Variants in UNC13B observed in about 807,000 individuals in gnomAD.
UNC13B encodes the protein protein unc-13 homolog B.
A neutral mutation model predicts 211.0 loss-of-function variants in UNC13B; 144 were observed. The ratio of observed to expected loss-of-function variants is 0.68; its 90% CI spans 0.60 to 0.78. The LOEUF (loss-of-function observed/expected upper bound fraction) is 0.78, where lower values mean the gene tolerates loss of function less well. UNC13B is among the 30% of genes least tolerant of loss of function. The pLI, the probability that UNC13B is intolerant of heterozygous loss-of-function variation, is 0.00. For synonymous variants in UNC13B, 709 were observed against 725.8 expected (o/e 0.98, Z 0.37); for missense variants, 1,777 against 2,002.0 (o/e 0.89, Z 2.14).
chr9:35,319,807 T>C (rs1026976311), intron 11 of UNC13B, among the ~76,000 whole-genome samples: 2 of 152,010 alleles, frequency 1.3e-5, no homozygotes, highest in African/African-American at 4.8e-5. Context: ...CACAGGCATG[T>C]GCCACTTATG....
Position 35,170,553 on chromosome 9 carries a change from C to T in UNC13B, c.22+8248C>T, listed in dbSNP as rs142263050. On this transcript the variant is annotated intron_variant, in intron 1 of 39. Transcript: ENST00000635942. Reference sequence around the variant, plus strand: ...GTGCGAACATGGCTCTCTGCAGCCTCGACCTCCTGGGATCAAGTGATATGC... The same window carrying T: ...GTGCGAACATGGCTCTCTGCAGCCTTGACCTCCTGGGATCAAGTGATATGC... 2.9e-3 allele frequency among the ~76,000 whole-genome samples: 445 copies of T among 151,960 alleles called. 8 individuals are homozygous for T. Among genetic ancestry groups the T allele is most frequent in the Admixed American group, 0.021 (325 of 15,230 alleles).
At chr9:35,333,476 A>G (rs888655757) in intron 11 of UNC13B, among the ~76,000 whole-genome samples, 4 of 152,214 alleles carry the variant, frequency 2.6e-5, no homozygotes, top group Non-Finnish European at 2.9e-5. Context: ...TAATAATATC[A>G]TACATGTAGA....
chr9:35,254,523 GGGGGCA>G (rs1390956250), intron 6 of UNC13B, among the ~76,000 whole-genome samples: 2 of 152,108 alleles, frequency 1.3e-5, no homozygotes, highest in Non-Finnish European at 2.9e-5. Context: ...AATTTTTGGT[GGGGGCA>G]GGGGTGGTGG....
chr9:35,330,334 C>T (rs986033664), intron 11 of UNC13B, among the ~76,000 whole-genome samples: 1 of 152,214 alleles, frequency 6.6e-6, no homozygotes, highest in East Asian at 1.9e-4. Context: ...AATGACCCAT[C>T]AAAGGTCATT....
chr9:35,357,001 T>C (rs563287025), intron 11 of UNC13B, among the ~76,000 whole-genome samples: 10 of 152,336 alleles, frequency 6.6e-5, no homozygotes, highest in East Asian at 5.8e-4. Context: ...ATTTGAGTTA[T>C]TATTACCACT....
intron 1 of UNC13B, among the ~76,000 whole-genome samples, chr9:35,191,288 T>C (rs1016490615): frequency 3.9e-5 from 6 of 152,076 alleles, no homozygotes; most frequent in African/African-American, 1.4e-4. Context: ...ATAAGTAACT[T>C]TTGAAACTCT....
In UNC13B at chr9:35,204,580, A is replaced by C. The variant is rs1305058043; in HGVS notation, c.23-23435A>C. On this transcript the variant is annotated intron_variant, in intron 1 of 39. Coordinates refer to ENST00000635942, the MANE Select transcript of UNC13B (RefSeq NM_001371189.2). ...CATCAGTGTGCCCTGGATGTGAGAC[A>C]TGGAGTCAAAGGAGATTATTTTGGA... Among the ~76,000 whole-genome samples, 5 of 152,338 alleles carry C rather than the reference A, an allele frequency of 3.3e-5. No homozygotes were observed. In the East Asian group the frequency reaches 5.8e-4, roughly 18 times the overall value.
chr9:35,314,040 G>A (rs769520883), intron 11 of UNC13B, 51 bp downstream of exon 11: 9 of 1,399,732 alleles, frequency 6.4e-6, no homozygotes, highest in South Asian at 3.5e-5. Flanking sequence ...TTTGAAATTG[G>A]GAGACATATG....
intron 5 of UNC13B, among the ~76,000 whole-genome samples, chr9:35,240,446 A>G (rs1332748116): frequency 6.6e-6 from 1 of 152,182 alleles, no homozygotes; most frequent in Non-Finnish European, 1.5e-5. Context: ...CAGAACAACT[A>G]TTATTTCAGA....
At chr9:35,168,711 T>TG (rs1261910759) in intron 1 of UNC13B, among the ~76,000 whole-genome samples, 1 of 151,550 alleles carries the variant, frequency 6.6e-6, no homozygotes, top group Non-Finnish European at 1.5e-5. Context: ...TGCTTTTTTT[T>TG]TTTTTTTTGA....
rs181242985 is a variant in UNC13B at position 35,201,410 on chromosome 9, G to T, written c.23-26605G>T. On this transcript the variant is annotated intron_variant, in intron 1 of 39. Transcript: ENST00000635942. ...GATTGGAATAGTTTCAGAAGGAATG[G>T]TACCAGCTTCTCTTTGTACCTCTGG... 2.2e-3 allele frequency among the ~76,000 whole-genome samples: 332 copies of T among 152,300 alleles called. 2 individuals are homozygous for T. Among genetic ancestry groups the T allele is most frequent in the African/African-American group, 7.6e-3 (315 of 41,558 alleles).
In UNC13B at chr9:35,303,401, C is replaced by T; in HGVS notation, c.3997C>T (p.Leu1333=). The part of the protein sequence containing the change: ...ENSNKLNSPV[L]NTNILNKSNN... ...TTCAAACAAGTTAAATTCACCTGTA[C>T]TAAATACCAACATTCTCAATAAATC... Residue 1333 remains leucine, a synonymous_variant, in exon 9 of 40, where the codon CTA becomes TTA. Coordinates refer to ENST00000635942, the MANE Select transcript of UNC13B (RefSeq NM_001371189.2). The T allele has an allele frequency of 2.5e-6, 1 of 398,738 alleles. No individual in the cohort carries two copies. Among genetic ancestry groups the T allele is most frequent in the Non-Finnish European group, 4.4e-6 (1 of 225,820 alleles). 24.7% of individuals were successfully genotyped at this position (398,738 alleles called of 1,614,324 possible).
intron 1 of UNC13B, among the ~76,000 whole-genome samples, chr9:35,166,907 G>T (rs1821065780): frequency 6.6e-6 from 1 of 152,038 alleles, no homozygotes. Flanking sequence ...TAACCTCAAT[G>T]ATCTATTTTC....
At chr9:35,204,646 C>T (rs189602394) in intron 1 of UNC13B, among the ~76,000 whole-genome samples, 15 of 152,298 alleles carry the variant, frequency 9.8e-5, no homozygotes, top group African/African-American at 1.9e-4. Context: ...TTGGGACTTG[C>T]GTGGGGCCTA....
At chr9:35,244,952 T>C (rs1019505875) in intron 6 of UNC13B, among the ~76,000 whole-genome samples, 1 of 152,204 alleles carries the variant, frequency 6.6e-6, no homozygotes, top group African/African-American at 2.4e-5. Flanking sequence ...GTTATTAAGC[T>C]GTATAACTCT....
intron 7 of UNC13B, among the ~76,000 whole-genome samples, chr9:35,287,984 G>A (rs919734477): frequency 1.3e-5 from 2 of 151,974 alleles, no homozygotes; most frequent in African/African-American, 4.8e-5. Flanking sequence ...CATTCATCCA[G>A]TAGCTCAAGC....
Position 35,381,545 on chromosome 9 carries a change from G to A in UNC13B, c.10492-11G>A, listed in dbSNP as rs1834837722. On this transcript the variant is annotated splice_polypyrimidine_tract_variant and intron_variant, in intron 19 of 39. Transcript: ENST00000635942. ...TTAACCCATTCCCTTTCTCTGCTCT[G>A]TCTCCTGCAGAATCTTTTCCATTAC... The A allele has an allele frequency of 1.2e-6, 2 of 1,611,100 alleles. No individual in the cohort carries two copies. Among genetic ancestry groups the A allele is most frequent in the African/African-American group, 2.7e-5 (2 of 74,828 alleles).
chr9:35,265,051 C>CT (rs933011791), intron 7 of UNC13B, among the ~76,000 whole-genome samples: 2 of 152,114 alleles, frequency 1.3e-5, no homozygotes, highest in African/African-American at 4.8e-5. Context: ...GGACTTTAGA[C>CT]TTTGAAGTGG....
chr9:35,207,875 A>G (rs942833095), intron 1 of UNC13B, among the ~76,000 whole-genome samples: 8 of 152,152 alleles, frequency 5.3e-5, no homozygotes, highest in African/African-American at 1.9e-4. Flanking sequence ...ATTTATCTAC[A>G]TATTTTTTCT....
Sources: allele counts gnomAD v4.1 joint callset (sites outside exome capture counted in the v4.1 genomes callset), GRCh38; gene constraint gnomAD v4.1.1; transcripts MANE v1.5; gene names NCBI Gene and HGNC (gene_info 2026-07-23, HGNC 2026-07-21).